VNN1: variants seen among roughly 807,000 people sequenced by gnomAD.
VNN1 encodes vanin 1.
In VNN1, 29 loss-of-function variants were observed where a neutral mutation model predicts 41.9. That is an observed-to-expected ratio of 0.69 (90% CI 0.52 to 0.94). The LOEUF (loss-of-function observed/expected upper bound fraction) is 0.94. VNN1 is among the 40% of genes least tolerant of loss of function. VNN1 has a pLI of 0.00. For missense variants in VNN1, 637 were observed against 621.1 expected (o/e 1.03, Z -0.27); for synonymous variants, 233 against 224.4 (o/e 1.04, Z -0.34).
chr6:132,691,754 T>C (rs1195534141), intron 5 of VNN1, among the ~76,000 whole-genome samples: 1 of 152,112 alleles, frequency 6.6e-6, no homozygotes, highest in African/African-American at 2.4e-5. Flanking sequence ...CTCAACACTT[T>C]GGGAGGCTGA....
At chr6:132,702,391 C>CA (rs1365449755) in intron 2 of VNN1, among the ~76,000 whole-genome samples, 1 of 152,184 alleles carries the variant, frequency 6.6e-6, no homozygotes, top group Non-Finnish European at 1.5e-5. Flanking sequence ...AAATTGTCTT[C>CA]CACAAAACCA....
intron 2 of VNN1, among the ~76,000 whole-genome samples, chr6:132,707,494 C>G (rs185079418): frequency 2.7e-4 from 41 of 152,322 alleles, no homozygotes; most frequent in Middle Eastern, 3.4e-3. Context: ...TCTGCACTTT[C>G]ATGTTTATTG....
intron 5 of VNN1, among the ~76,000 whole-genome samples, chr6:132,687,537 G>A (rs559209899): frequency 6.8e-4 from 103 of 152,300 alleles, no homozygotes; most frequent in African/African-American, 2.5e-3. Context: ...AGCCAGTTCA[G>A]ATTAGAGCAA....
At chr6:132,686,435 G>A (rs976757263) in intron 5 of VNN1, among the ~76,000 whole-genome samples, 4 of 151,808 alleles carry the variant, frequency 2.6e-5, no homozygotes, top group Non-Finnish European at 4.4e-5. Context: ...GCAACAGAAA[G>A]AGACTCTCTC....
At chr6:132,683,347 A>G in intron 6 of VNN1, 25 bp from the exon 7 acceptor site, 1 of 1,597,014 alleles carries the variant, frequency 6.3e-7, no homozygotes. Context: ...AAAGTAGGCA[A>G]AGGCTACCTT....
intron 2 of VNN1, among the ~76,000 whole-genome samples, chr6:132,702,728 G>A (rs1261457704): frequency 6.6e-6 from 1 of 152,084 alleles, no homozygotes. Flanking sequence ...CCCCAACCCA[G>A]GCCCTAGCTC....
chr6:132,688,079 T>C (rs902622047), intron 5 of VNN1, among the ~76,000 whole-genome samples: 4 of 152,106 alleles, frequency 2.6e-5, no homozygotes, highest in African/African-American at 9.7e-5. Context: ...GCATAATATA[T>C]CATCACAGTT....
intron 2 of VNN1, among the ~76,000 whole-genome samples, chr6:132,694,622 A>G (rs1487980426): frequency 6.6e-6 from 1 of 151,842 alleles, no homozygotes; most frequent in Non-Finnish European, 1.5e-5. Context: ...TGGGAGTCCA[A>G]GGAGGAAGGA....
Position 132,682,993 on chromosome 6 carries a change from A to G in VNN1, c.*147T>C, listed in dbSNP as rs980704399. 21 of 559,216 alleles carry G rather than the reference A, an allele frequency of 3.8e-5. No individual in the cohort carries two copies. In the Admixed American group the frequency reaches 7.2e-4, roughly 19 times the overall value. 34.6% of individuals were successfully genotyped at this position (559,216 alleles called of 1,614,324 possible). ...TTAACAGATAATTTATTAAGTTTAT[A>G]TTATCTGGTGTGTGTGTGTTTGTCT... On this transcript the variant is annotated 3_prime_UTR_variant, in exon 7 of 7. Transcript: ENST00000367928.
rs547502436 is a variant in VNN1, at chr6:132,681,042, T to C, written c.*2098A>G. Among the ~76,000 whole-genome samples, 1 of 152,170 alleles carries C rather than the reference T, an allele frequency of 6.6e-6. No homozygotes were observed. The highest frequency in any genetic ancestry group is 2.1e-4 in the South Asian group (1 of 4,814). ...TATAAATATAAATACATATATTCAC[T>C]ATGATAGCATCCAAAATGGCCCCCA... On this transcript the variant is annotated 3_prime_UTR_variant, in exon 7 of 7. Transcript: ENST00000367928.
At chr6:132,687,272 C>T (rs867797047) in intron 5 of VNN1, among the ~76,000 whole-genome samples, 3 of 152,164 alleles carry the variant, frequency 2.0e-5, no homozygotes, top group African/African-American at 7.2e-5. Flanking sequence ...CCTTTGAATT[C>T]CATGCCCAGG....
intron 5 of VNN1, among the ~76,000 whole-genome samples, chr6:132,685,074 A>C (rs1778187591): frequency 6.6e-6 from 1 of 152,256 alleles, no homozygotes. Context: ...CCTGTTTCAC[A>C]CAATAAAAGA....
At chr6:132,684,606 T>C in intron 5 of VNN1, 101 bp from the exon 6 acceptor site, 2 of 1,136,102 alleles carry the variant, frequency 1.8e-6, no homozygotes, top group Non-Finnish European at 2.5e-6. Flanking sequence ...TATCAAAACG[T>C]CACATCATAC....
chr6:132,694,868 G>A (rs973626564), intron 2 of VNN1, among the ~76,000 whole-genome samples: 4 of 151,286 alleles, frequency 2.6e-5, no homozygotes, highest in African/African-American at 9.7e-5. Flanking sequence ...ACAAATTTTG[G>A]GGGGCCAGGT....
intron 5 of VNN1, among the ~76,000 whole-genome samples, chr6:132,686,261 A>G (rs971752647): frequency 6.6e-4 from 101 of 152,224 alleles, no homozygotes; most frequent in Middle Eastern, 3.2e-3. Flanking sequence ...AGCCTGGCCA[A>G]CATGGGGAAA....
intron 2 of VNN1, chr6:132,699,090 C>T: frequency 3.5e-6 from 1 of 283,370 alleles, no homozygotes; most frequent in South Asian, 4.5e-5. Flanking sequence ...TTCTATTCGG[C>T]TGTAAAATCA....
Position 132,684,329 on chromosome 6 carries a change from T to G in VNN1, c.1359+6A>C. 1 of 1,607,074 alleles carries G rather than the reference T, an allele frequency of 6.2e-7. No individual in the cohort carries two copies. The highest frequency in any genetic ancestry group is 8.5e-7 in the Non-Finnish European group (1 of 1,175,614). On this transcript the variant is annotated splice_donor_region_variant and intron_variant, in intron 6 of 6. Coordinates refer to ENST00000367928, the MANE Select transcript of VNN1 (RefSeq NM_004666.3). ...AAACTAATTGGCAATATTCGAAGAT[T>G]CTTACCTGAAATTCTCCAGGTGCAA... is the stretch of plus-strand genomic sequence containing the variant.
chr6:132,712,403 G>A (rs2114379818), intron 1 of VNN1, among the ~76,000 whole-genome samples: 1 of 152,214 alleles, frequency 6.6e-6, no homozygotes, highest in African/African-American at 2.4e-5. Context: ...GCCTGCTTCA[G>A]CCTCCCAAAG....
chr6:132,683,039 T>C lies in VNN1; in HGVS notation c.*101A>G. The C allele has an allele frequency of 1.0e-6, 1 of 983,508 alleles. No homozygotes were observed. The highest frequency in any genetic ancestry group is 1.4e-6 in the Non-Finnish European group (1 of 696,792). 60.9% of individuals were successfully genotyped at this position (983,508 alleles called of 1,614,324 possible). A position where few individuals can be genotyped will look rare whatever the true frequency, so the allele number is the denominator to read the frequency against. ...TGTCTAAATAAAGAGAAACTAGTAATTCACTTATACTAGAGGATAATATTA... is the reference window on the plus strand; with the variant it reads ...TGTCTAAATAAAGAGAAACTAGTAACTCACTTATACTAGAGGATAATATTA... On this transcript the variant is annotated 3_prime_UTR_variant, in exon 7 of 7. Coordinates refer to ENST00000367928, the MANE Select transcript of VNN1 (RefSeq NM_004666.3).
Sources: allele counts gnomAD v4.1 joint callset (sites outside exome capture counted in the v4.1 genomes callset), GRCh38; gene constraint gnomAD v4.1.1; transcripts MANE v1.5; gene names NCBI Gene and HGNC (gene_info 2026-07-23, HGNC 2026-07-21).